Variants in GNG3 observed in about 807,000 individuals in gnomAD.
GNG3 encodes G protein subunit gamma 3, also known as guanine nucleotide-binding protein G(I)/G(S)/G(O) subunit gamma-3.
In GNG3, 4 loss-of-function variants were observed where a neutral mutation model predicts 5.6. That is an observed-to-expected ratio of 0.71 (90% CI 0.35 to 1.63). The LOEUF is 1.63. GNG3 is among the 40% of genes most tolerant of loss of function. GNG3 has a pLI of 0.05. For missense variants in GNG3, 62 were observed against 96.6 expected (o/e 0.64, Z 1.50); for synonymous variants, 30 against 33.5 (o/e 0.89, Z 0.36).
rs1042190405 is a variant in GNG3, at chr11:62,708,585, C to G, written c.100-93C>G. 16 of 1,556,096 alleles carry G rather than the reference C, an allele frequency of 1.0e-5. No homozygotes were observed. In the Admixed American group the frequency reaches 2.9e-4, roughly 28 times the overall value. Reference sequence around the variant, plus strand: ...GGGAGAAGACAAGTCGTAAGGAGCCCTGGAGATGGCAAAAGAGAACCCATT... The same window carrying G: ...GGGAGAAGACAAGTCGTAAGGAGCCGTGGAGATGGCAAAAGAGAACCCATT... On this transcript the variant is annotated intron_variant, in intron 2 of 2. Coordinates refer to ENST00000294117, the MANE Select transcript of GNG3 (RefSeq NM_012202.5).
Position 62,707,761 on chromosome 11 carries a change from C to T in GNG3, c.-156C>T. ...CTGAGACCAGACCTCTGGCCTGGCC[C>T]TCCCCAGGGGCCTCCTTTCGTATAG... is the stretch of plus-strand genomic sequence containing the variant. On this transcript the variant is annotated 5_prime_UTR_variant, in exon 1 of 3. Coordinates refer to ENST00000294117, the MANE Select transcript of GNG3 (RefSeq NM_012202.5). 1 of 280,202 alleles carries T rather than the reference C, an allele frequency of 3.6e-6. No homozygotes were observed. The highest frequency in any genetic ancestry group is 7.0e-6 in the Non-Finnish European group (1 of 143,802). 17.4% of individuals were successfully genotyped at this position (280,202 alleles called of 1,614,324 possible).
intron 1 of GNG3, 38 bp from the exon 2 acceptor site, chr11:62,708,257 G>A: frequency 3.0e-6 from 4 of 1,344,552 alleles, no homozygotes; most frequent in Non-Finnish European, 4.3e-6. Context: ...GGGGCCTCCA[G>A]CTGAGACTGT....
intron 2 of GNG3, 136 bp downstream of exon 2, chr11:62,708,530 G>A (rs769046704): frequency 5.4e-5 from 69 of 1,272,822 alleles, no homozygotes; most frequent in Non-Finnish European, 6.4e-5. Context: ...TCTGTAGAGA[G>A]AGCTGTCCCC....
chr11:62,709,088 C>G lies in GNG3; in HGVS notation c.*282C>G. 2 of 480,046 alleles carry G rather than the reference C, an allele frequency of 4.2e-6. No individual in the cohort carries two copies. The highest frequency in any genetic ancestry group is 8.0e-6 in the Non-Finnish European group (2 of 250,604). The allele number at this position is 480,046 out of a possible 1,614,324, so 29.7% of individuals were successfully genotyped here. A position where few individuals can be genotyped will look rare whatever the true frequency, so the allele number is the denominator to read the frequency against. ...CTGCCAGCGCGTCCTGCCCGCTTCC[C>G]TCGGTGACCTGCTCAGACAATGGAG... is the stretch of plus-strand genomic sequence containing the variant. On this transcript the variant is annotated 3_prime_UTR_variant, in exon 3 of 3. Coordinates refer to ENST00000294117, the MANE Select transcript of GNG3 (RefSeq NM_012202.5).
At chr11:62,706,667 T>A (rs766147482), upstream of GNG3, 3 of 476,812 alleles carry the variant, frequency 6.3e-6, no homozygotes, top group Non-Finnish European at 1.3e-5. Context: ...GTCATCCAGC[T>A]GGCGCTGATT....
Position 62,708,341 on chromosome 11 carries a change from G to A in GNG3, c.46G>A (p.Ala16Thr). The change falls in exon 2 of 3, where the codon GCA becomes ACA. Residue 16 changes from alanine to threonine, a missense_variant. Ala to Thr is a moderately conservative substitution (Grantham distance 58). Transcript: ENST00000294117. ...GAACAGCACTATGAGTATTGGGCAA[G>A]CACGCAAGATGGTGGAACAGCTTAA... ...PVNSTMSIGQ[A>T]RKMVEQLKIE... is the part of the protein sequence containing the mutation. 1 of 1,613,914 alleles carries A rather than the reference G, an allele frequency of 6.2e-7. No individual in the cohort carries two copies. The highest frequency in any genetic ancestry group is 8.5e-7 in the Non-Finnish European group (1 of 1,179,760).
At position 62,708,981 on chromosome 11, in the gene GNG3, C is replaced by G. The variant is rs759235425; in HGVS notation, c.*175C>G. On this transcript the variant is annotated 3_prime_UTR_variant, in exon 3 of 3. Coordinates refer to ENST00000294117, the MANE Select transcript of GNG3 (RefSeq NM_012202.5). The stretch of plus-strand genomic sequence containing the variant: ...CTCACCTATCTGTCGACCCCATTTC[C>G]TACCACCTTTGTGGCCGACCCCAAG... 19 of 632,036 alleles carry G rather than the reference C, an allele frequency of 3.0e-5. No homozygotes were observed. The highest frequency in any genetic ancestry group is 5.1e-5 in the Non-Finnish European group (18 of 354,156). The allele number at this position is 632,036 out of a possible 1,614,324, so 39.2% of individuals were successfully genotyped here.
At chr11:62,707,486 C>T (rs190405606), upstream of GNG3, 137 of 652,116 alleles carry the variant, frequency 2.1e-4, 1 homozygote, top group East Asian at 2.5e-3. Flanking sequence ...GCCCAGACCA[C>T]GCCATTTGAG....
rs1170057033 is a variant in GNG3 at position 62,709,143 on chromosome 11, T to G, written c.*337T>G. 1 of 476,850 alleles carries G rather than the reference T, an allele frequency of 2.1e-6. No homozygotes were observed. The highest frequency in any genetic ancestry group is 6.2e-5 in the East Asian group (1 of 16,260). 29.5% of individuals were successfully genotyped at this position (476,850 alleles called of 1,614,324 possible). On this transcript the variant is annotated 3_prime_UTR_variant, in exon 3 of 3. Coordinates refer to ENST00000294117, the MANE Select transcript of GNG3 (RefSeq NM_012202.5). ...ATGGGCCAGGTTCTTGCTCTCAGTC[T>G]CACCTGGAGCTACTGGGAGGGTAAA... is the stretch of plus-strand genomic sequence containing the variant.
Position 62,709,105 on chromosome 11 carries a change from A to G in GNG3, c.*299A>G. 1 of 482,264 alleles carries G rather than the reference A, an allele frequency of 2.1e-6. No individual in the cohort carries two copies. Among genetic ancestry groups the G allele is most frequent in the South Asian group, 1.7e-5 (1 of 59,996 alleles). 29.9% of individuals were successfully genotyped at this position (482,264 alleles called of 1,614,324 possible). ...CCGCTTCCCTCGGTGACCTGCTCAGACAATGGAGAGGGATGGGCCAGGTTC... is the reference window on the plus strand; with the variant it reads ...CCGCTTCCCTCGGTGACCTGCTCAGGCAATGGAGAGGGATGGGCCAGGTTC... On this transcript the variant is annotated 3_prime_UTR_variant, in exon 3 of 3. Coordinates refer to ENST00000294117, the MANE Select transcript of GNG3 (RefSeq NM_012202.5).
Position 62,709,020 on chromosome 11 carries a change from T to G in GNG3, c.*214T>G, listed in dbSNP as rs1288318229. 1.8e-6 allele frequency: 1 copy of G among 552,874 alleles called. No individual in the cohort carries two copies. Among genetic ancestry groups the G allele is most frequent in the Admixed American group, 2.9e-5 (1 of 34,024 alleles). 34.2% of individuals were successfully genotyped at this position (552,874 alleles called of 1,614,324 possible). A position where few individuals can be genotyped will look rare whatever the true frequency, so the allele number is the denominator to read the frequency against. ...GCCGACCCCAAGCACCCCAGAGATA[T>G]GAGGCACCCTTTGCTCCACCCACAG... On this transcript the variant is annotated 3_prime_UTR_variant, in exon 3 of 3. Coordinates refer to ENST00000294117, the MANE Select transcript of GNG3 (RefSeq NM_012202.5).
chr11:62,708,548 T>A (rs1554986367), intron 2 of GNG3, 130 bp from the exon 3 acceptor site: 1 of 1,380,474 alleles, frequency 7.2e-7, no homozygotes, highest in Non-Finnish European at 1.0e-6. Context: ...CCCAGGCCTC[T>A]GGGGGGGATG....
rs2134753545 is a variant in GNG3 at position 62,708,730 on chromosome 11, A to G, written c.152A>G (p.Glu51Gly). ...ACTTACTGTGATGCCCACGCCTGTG[A>G]GGATCCCCTCATCACCCCTGTGCCC... ...LMTYCDAHAC[E>G]DPLITPVPTS... The change falls in exon 3 of 3, where the codon GAG (glutamate) becomes GGG (glycine). Residue 51 changes from glutamate (E) to glycine (G), a missense_variant. Transcript: ENST00000294117. 1 of 1,614,058 alleles carries G rather than the reference A, an allele frequency of 6.2e-7. No individual in the cohort carries two copies. The highest frequency in any genetic ancestry group is 2.2e-5 in the East Asian group (1 of 44,886).
upstream of GNG3, chr11:62,706,631 C>T (rs768730069): frequency 8.9e-5 from 42 of 472,700 alleles, no homozygotes; most frequent in Middle Eastern, 1.0e-3. Flanking sequence ...CAGGCCATTT[C>T]ACCCGCGAAG....
In GNG3 at chr11:62,708,055, G is replaced by C. The variant is rs1297986919; in HGVS notation, c.-2+140G>C. ...AGGGCTGAAAAGCCTTAAATCATTT[G>C]TGTAAGGTTTAATGATCTGTGGCCC... On this transcript the variant is annotated intron_variant, in intron 1 of 2. Coordinates refer to ENST00000294117, the MANE Select transcript of GNG3 (RefSeq NM_012202.5). The C allele has an allele frequency of 1.1e-5, 6 of 556,702 alleles. No individual in the cohort carries two copies. The African/African-American group carries it at 1.1e-4, about 10-fold the overall frequency. The allele number at this position is 556,702 out of a possible 1,614,324, so 34.5% of individuals were successfully genotyped here.
upstream of GNG3, chr11:62,707,606 C>T: frequency 3.8e-6 from 2 of 531,546 alleles, no homozygotes; most frequent in South Asian, 2.1e-5. Context: ...TGGGGGTGTG[C>T]GCAGGGATGC....
chr11:62,707,013 T>A, upstream of GNG3: 1 of 1,088,278 alleles, frequency 9.2e-7, no homozygotes. Flanking sequence ...TCAAAATGAA[T>A]GAAATTCTTA....
upstream of GNG3, chr11:62,707,014 G>T (rs2083551258): frequency 9.1e-7 from 1 of 1,100,096 alleles, no homozygotes; most frequent in Non-Finnish European, 1.3e-6. Context: ...CAAAATGAAT[G>T]AAATTCTTAA....
rs374221255 is a variant in GNG3 at position 62,708,659 on chromosome 11, C to A, written c.100-19C>A. On this transcript the variant is annotated intron_variant, in intron 2 of 2. Coordinates refer to ENST00000294117, the MANE Select transcript of GNG3 (RefSeq NM_012202.5). ...TTCAGAGGTCCTGGCTAACAATACC[C>A]TTCCTGGCTGTGTCCCAGGTGTCCA... is the stretch of plus-strand genomic sequence containing the variant. 1 of 1,613,294 alleles carries A rather than the reference C, an allele frequency of 6.2e-7. No homozygotes were observed. Among genetic ancestry groups the A allele is most frequent in the South Asian group, 1.1e-5 (1 of 90,974 alleles).
Sources: gnomAD v4.1 joint callset for allele counts on GRCh38, gnomAD v4.1.1 for gene constraint, MANE v1.5 for transcripts, NCBI Gene and HGNC (gene_info 2026-07-23, HGNC 2026-07-21) for gene names.